Variants in PHACTR2 observed in about 807,000 individuals in gnomAD.
PHACTR2 encodes the protein phosphatase and actin regulator 2.
In PHACTR2, 30 loss-of-function variants were observed where a neutral mutation model predicts 76.0. That is an observed-to-expected ratio of 0.39 (90% CI 0.30 to 0.54). PHACTR2 has a LOEUF of 0.54. Ranked by LOEUF, PHACTR2 falls within the 20% of genes least tolerant of loss-of-function variation. The pLI is 0.61. For synonymous variants in PHACTR2, 292 were observed against 292.5 expected, an observed-to-expected ratio of 1.00 and a Z score of 0.02; for missense variants, 696 against 781.1, an observed-to-expected ratio of 0.89 and a Z score of 1.30.
chr6:143,559,290 T>G (rs1343267426), intron 1 of PHACTR2, among the ~76,000 whole-genome samples: 1 of 152,232 alleles, frequency 6.6e-6, no homozygotes, highest in Non-Finnish European at 1.5e-5. Flanking sequence ...CAACTGCATC[T>G]CTCAGGCTAT....
In PHACTR2 at chr6:143,679,173, A is replaced by C. The variant is rs1777327432; in HGVS notation, c.46+964A>C. Among the ~76,000 whole-genome samples, 1 of 152,176 alleles carries C rather than the reference A, an allele frequency of 6.6e-6. No individual in the cohort carries two copies. The highest frequency in any genetic ancestry group is 2.4e-5 in the African/African-American group (1 of 41,456). On this transcript the variant is annotated intron_variant, in intron 1 of 12. Transcript: ENST00000440869. This position sits in a 1 kb window ranked among gnomAD's most constrained non-coding sequence, Gnocchi z 4.6. Reference sequence around the variant, plus strand: ...AGAGGAAGGTTTTTTAATCTGCCTCAGGATGTCTAGCTAGATAGCATTCTG... The same window carrying C: ...AGAGGAAGGTTTTTTAATCTGCCTCCGGATGTCTAGCTAGATAGCATTCTG...
chr6:143,814,805 T>A (rs1030318441), intron 12 of PHACTR2, among the ~76,000 whole-genome samples: 1 of 152,028 alleles, frequency 6.6e-6, no homozygotes, highest in Non-Finnish European at 1.5e-5. Flanking sequence ...GGTTTCACCG[T>A]GTTAGCCAGG....
upstream of PHACTR2, among the ~76,000 whole-genome samples, chr6:143,606,702 T>C (rs938312304): frequency 6.6e-6 from 1 of 152,118 alleles, no homozygotes; most frequent in Non-Finnish European, 1.5e-5. Flanking sequence ...TCACTCTGGA[T>C]AGTTGGCAGG....
upstream of PHACTR2, among the ~76,000 whole-genome samples, chr6:143,674,020 A>G (rs1255678291): frequency 6.6e-6 from 1 of 152,192 alleles, no homozygotes; most frequent in African/African-American, 2.4e-5. This position sits in a 1 kb window ranked among gnomAD's most constrained non-coding sequence, Gnocchi z 4.9. Flanking sequence ...TAGAATATGC[A>G]AAGTTGTAAT....
chr6:143,810,922 A>G (rs1249543732), intron 12 of PHACTR2, among the ~76,000 whole-genome samples: 1 of 152,016 alleles, frequency 6.6e-6, no homozygotes, highest in Non-Finnish European at 1.5e-5. Context: ...CATGGATATC[A>G]GCCCTTTATT....
chr6:143,695,209 ATCCGAATCCAG>A lies in PHACTR2; in HGVS notation c.47-16806_47-16796del, dbSNP rs1468782683. Among the ~76,000 whole-genome samples the A allele has an allele frequency of 2.6e-5, 4 of 152,244 alleles. No individual in the cohort carries two copies. Among genetic ancestry groups the A allele is most frequent in the African/African-American group, 9.6e-5 (4 of 41,472 alleles). ...CAAGACTCACTTCTCTTAGGCCCTGATCCGAATCCAGATTATGATGGATTGGGCATGGGGAT... is the reference window on the plus strand; with the variant it reads ...CAAGACTCACTTCTCTTAGGCCCTGAATTATGATGGATTGGGCATGGGGAT... On this transcript the variant is annotated intron_variant, in intron 1 of 12. Transcript: ENST00000440869. The surrounding 1 kb of genome is among the most constrained non-coding windows in gnomAD (Gnocchi z 4.4).
At chr6:143,600,699 C>A (rs1221621844) in intron 1 of PHACTR2, among the ~76,000 whole-genome samples, 7 of 152,270 alleles carry the variant, frequency 4.6e-5, no homozygotes, top group Non-Finnish European at 1.0e-4. Flanking sequence ...TATTTTCATA[C>A]CAAGACTATT....
chr6:143,728,173 A>T (rs1387197890), intron 2 of PHACTR2, among the ~76,000 whole-genome samples: 4 of 135,284 alleles, frequency 3.0e-5, no homozygotes, highest in African/African-American at 8.2e-5. Flanking sequence ...TCTTTCGTTC[A>T]TTCGTTCTTT....
At chr6:143,737,701 C>T (rs532014348) in intron 2 of PHACTR2, among the ~76,000 whole-genome samples, 3 of 152,348 alleles carry the variant, frequency 2.0e-5, no homozygotes, top group African/African-American at 7.2e-5. Context: ...TTTCCCCAAA[C>T]TGCATTTTTG....
rs1776198821 is a variant in PHACTR2 at position 143,623,566 on chromosome 6, C to T, written c.13+15244C>T. Among the ~76,000 whole-genome samples, 1 of 152,058 alleles carries T rather than the reference C, an allele frequency of 6.6e-6. No homozygotes were observed. Among genetic ancestry groups the T allele is most frequent in the Non-Finnish European group, 1.5e-5 (1 of 68,028 alleles). ...CTCCAGCATGGGCAACAGAGTGAGA[C>T]TCTGACTCGAAATAATAATAATAGT... On this transcript the variant is annotated intron_variant, in intron 1 of 11. Coordinates refer to the PHACTR2 transcript ENST00000305766. The surrounding 1 kb of genome is among the most constrained non-coding windows in gnomAD (Gnocchi z 5.9).
At position 143,658,218 on chromosome 6, in the gene PHACTR2, C is replaced by T. The variant is rs1776884168; in HGVS notation, c.13+49896C>T. On this transcript the variant is annotated intron_variant, in intron 1 of 11. Transcript: ENST00000305766. The surrounding 1 kb of genome is among the most constrained non-coding windows in gnomAD (Gnocchi z 4.1). ...AACATTACAGAAACTGCCAGACTAACCTGAGCTTCAACAACAAATGTGATT... is the reference window on the plus strand; with the variant it reads ...AACATTACAGAAACTGCCAGACTAATCTGAGCTTCAACAACAAATGTGATT... Among the ~76,000 whole-genome samples the T allele has an allele frequency of 6.6e-6, 1 of 152,138 alleles. No homozygotes were observed. The highest frequency in any genetic ancestry group is 2.1e-4 in the South Asian group (1 of 4,830).
At position 143,824,689 on chromosome 6, in the gene PHACTR2, A is replaced by G. The variant is rs1270799191; in HGVS notation, c.*1000A>G. On this transcript the variant is annotated 3_prime_UTR_variant, in exon 13 of 13. Coordinates refer to ENST00000440869, the MANE Select transcript of PHACTR2 (RefSeq NM_001100164.2). The surrounding 1 kb of genome is among the most constrained non-coding windows in gnomAD (Gnocchi z 6.3). ...AAAGTCAAAACTTAAGCAAGATACAAATGTGCTGCCTGCAGTTAGTCCTGC... is the reference window on the plus strand; with the variant it reads ...AAAGTCAAAACTTAAGCAAGATACAGATGTGCTGCCTGCAGTTAGTCCTGC... 1 of 152,640 alleles carries G rather than the reference A, an allele frequency of 6.6e-6. No individual in the cohort carries two copies. Among genetic ancestry groups the G allele is most frequent in the Admixed American group, 6.5e-5 (1 of 15,280 alleles). The allele number at this position is 152,640 out of a possible 1,614,324, so 9.5% of individuals were successfully genotyped here. A position where few individuals can be genotyped will look rare whatever the true frequency, so the allele number is the denominator to read the frequency against.
Position 143,556,722 on chromosome 6 carries a change from C to T in PHACTR2, c.217+19515C>T, listed in dbSNP as rs911645196. Among the ~76,000 whole-genome samples the T allele has an allele frequency of 7.9e-5, 12 of 152,284 alleles. No individual in the cohort carries two copies. The highest frequency in any genetic ancestry group is 2.4e-4 in the African/African-American group (10 of 41,550). On this transcript the variant is annotated intron_variant, in intron 1 of 11. Coordinates refer to the PHACTR2 transcript ENST00000367584. This position sits in a 1 kb window ranked among gnomAD's most constrained non-coding sequence, Gnocchi z 4.3. ...GGTGCTAACTAGAGGAGAAGGAAGACGTACATCACCACAGGACCACAGCGA... is the reference window on the plus strand; with the variant it reads ...GGTGCTAACTAGAGGAGAAGGAAGATGTACATCACCACAGGACCACAGCGA...
At chr6:143,575,527 C>T (rs9496678) in intron 1 of PHACTR2, among the ~76,000 whole-genome samples, 1 of 151,866 alleles carries the variant, frequency 6.6e-6, no homozygotes, top group Non-Finnish European at 1.5e-5. Flanking sequence ...GCTGTTTTAC[C>T]GTGTGGACAC....
chr6:143,760,324 A>G lies in PHACTR2; in HGVS notation c.455-77A>G. 2 of 1,326,980 alleles carry G rather than the reference A, an allele frequency of 1.5e-6. No individual in the cohort carries two copies. The highest frequency in any genetic ancestry group is 2.1e-6 in the Non-Finnish European group (2 of 956,950). The allele number at this position is 1,326,980 out of a possible 1,614,324, so 82.2% of individuals were successfully genotyped here. Reference sequence around the variant, plus strand: ...CCAAGCAGACACGCTTTGTGTCACTATCGTCATGTCTTGCTCCTTGTGTTT... The same window carrying G: ...CCAAGCAGACACGCTTTGTGTCACTGTCGTCATGTCTTGCTCCTTGTGTTT... On this transcript the variant is annotated intron_variant, in intron 4 of 12. Transcript: ENST00000440869. This position sits in a 1 kb window ranked among gnomAD's most constrained non-coding sequence, Gnocchi z 6.4.
rs997690700 is a variant in PHACTR2 at position 143,776,598 on chromosome 6, A to C, written c.1590-730A>C. Reference sequence around the variant, plus strand: ...GAAAGGAGACTGTGTAATGGGGGTCAGTGAGCAGCCTCAGCCATGATCTGT... The same window carrying C: ...GAAAGGAGACTGTGTAATGGGGGTCCGTGAGCAGCCTCAGCCATGATCTGT... On this transcript the variant is annotated intron_variant, in intron 8 of 12. Transcript: ENST00000440869. This position sits in a 1 kb window ranked among gnomAD's most constrained non-coding sequence, Gnocchi z 5.3. Among the ~76,000 whole-genome samples, 1 of 151,414 alleles carries C rather than the reference A, an allele frequency of 6.6e-6. No individual in the cohort carries two copies. The highest frequency in any genetic ancestry group is 1.5e-5 in the Non-Finnish European group (1 of 67,760).
In PHACTR2 at chr6:143,617,053, C is replaced by G. The variant is rs752854619; in HGVS notation, c.13+8731C>G. ...TTTCAGGAGCCTTTGAAGGGTTTTA[C>G]GAGACTGGGAAGAATGGACTGGAAA... On this transcript the variant is annotated intron_variant, in intron 1 of 11. Transcript: ENST00000305766. This position sits in a 1 kb window ranked among gnomAD's most constrained non-coding sequence, Gnocchi z 4.8. 1.1e-4 allele frequency among the ~76,000 whole-genome samples: 16 copies of G among 152,080 alleles called. No homozygotes were observed. Among genetic ancestry groups the G allele is most frequent in the South Asian group, 2.1e-4 (1 of 4,822 alleles).
rs763883957 is a variant in PHACTR2, at chr6:143,760,556, A to G, written c.610A>G (p.Ile204Val). 5 of 1,613,848 alleles carry G rather than the reference A, an allele frequency of 3.1e-6. No homozygotes were observed. In the South Asian group the frequency reaches 3.3e-5, roughly 11 times the overall value. Residue 204 changes from isoleucine to valine, a missense_variant, in exon 5 of 13, where the codon ATT becomes GTT. Around this residue, in one of 2 missense-constraint regions of PHACTR2, gnomAD observed 460 missense variants for 450.9 expected, o/e 1.02. Coordinates refer to ENST00000440869, the MANE Select transcript of PHACTR2 (RefSeq NM_001100164.2). The surrounding 1 kb of genome is among the most constrained non-coding windows in gnomAD (Gnocchi z 6.4). ...CCACAAAGGTGATGAAGTGCCTCCC[A>G]TTAAAAAAAATACCAAGGCTCCTGG... ...ASHKGDEVPP[I>V]KKNTKAPGKQ...
In PHACTR2 at chr6:143,548,752, G is replaced by C. The variant is rs1584051802; in HGVS notation, c.217+11545G>C. On this transcript the variant is annotated intron_variant, in intron 1 of 11. Coordinates refer to the PHACTR2 transcript ENST00000367584. The surrounding 1 kb of genome is among the most constrained non-coding windows in gnomAD (Gnocchi z 4.5). The stretch of plus-strand genomic sequence containing the variant: ...ATTGCAGGGCTTCTGGGAAGCCTAC[G>C]TGTCACAGAGAAAAGCCTAATGTCT... Among the ~76,000 whole-genome samples, 1 of 152,032 alleles carries C rather than the reference G, an allele frequency of 6.6e-6. No individual in the cohort carries two copies. Among genetic ancestry groups the C allele is most frequent in the Admixed American group, 6.6e-5 (1 of 15,250 alleles).
Sources: gnomAD v4.1 joint callset for allele counts (sites outside exome capture counted in the v4.1 genomes callset) on GRCh38, gnomAD v4.1.1 for gene constraint, gnomAD v4.1.1 regional missense constraint, Gnocchi (gnomAD v3.1) non-coding constraint, MANE v1.5 for transcripts, NCBI Gene and HGNC (gene_info 2026-07-23, HGNC 2026-07-21) for gene names.